Variants in PTPRD observed in about 807,000 individuals in gnomAD.
The protein encoded by PTPRD is protein tyrosine phosphatase receptor type D.
Under a neutral mutation model 214.5 loss-of-function variants are expected in PTPRD, and 34 were observed. The ratio of observed to expected loss-of-function variants is 0.16; its 90% CI spans 0.12 to 0.21. The LOEUF (loss-of-function observed/expected upper bound fraction) is 0.21. PTPRD is among the 10% of genes least tolerant of loss of function. PTPRD has a pLI of 1.00. For synonymous variants in PTPRD, 1,128 were observed against 845.7 expected, an observed-to-expected ratio of 1.33 and a Z score of -5.79; for missense variants, 2,545 against 2,398.7, an observed-to-expected ratio of 1.06 and a Z score of -1.27.
In PTPRD at chr9:9,268,403, G is replaced by GA. The variant is rs961787382; in HGVS notation, c.-202-85041dup. On this transcript the variant is annotated intron_variant, in intron 9 of 45. Transcript: ENST00000381196. The stretch of plus-strand genomic sequence containing the variant: ...AAAAAATAGCCTGTGGTGATGGATT[G>GA]AAAAAAAAATCATTATTGTCAAAAC... Among the ~76,000 whole-genome samples, 373 of 149,106 alleles carry GA rather than the reference G, an allele frequency of 2.5e-3. 1 individual carries two copies. Among genetic ancestry groups the GA allele is most frequent in the African/African-American group, 8.6e-3 (350 of 40,816 alleles).
intron 2 of PTPRD, among the ~76,000 whole-genome samples, chr9:10,368,331 T>C (rs982998855): frequency 2.0e-5 from 3 of 152,122 alleles, no homozygotes; most frequent in African/African-American, 7.2e-5. Flanking sequence ...TCTAAAGATA[T>C]CTAATGAAAG....
chr9:10,538,235 T>C lies in PTPRD; in HGVS notation c.-600+74163A>G, dbSNP rs979163601. On this transcript the variant is annotated intron_variant, in intron 2 of 45. Transcript: ENST00000381196. ...TGGATAGAGAGGTGAGAAAGCCTCA[T>C]CATAAAATAAATAAATAAATAAATA... Among the ~76,000 whole-genome samples the C allele has an allele frequency of 1.0e-4, 13 of 127,300 alleles. No homozygotes were observed. In the South Asian group the frequency reaches 2.0e-3, roughly 20 times the overall value. The allele number at this position is 127,300 out of a possible 152,430, so 83.5% of individuals were successfully genotyped here.
At chr9:8,451,814 C>G in intron 33 of PTPRD, 1 of 448,666 alleles carries the variant, frequency 2.2e-6, no homozygotes, top group Non-Finnish European at 4.5e-6. Context: ...TCTCCCTTCC[C>G]ATTGTGGCTC....
At chr9:9,196,638 C>T (rs992876430) in intron 9 of PTPRD, among the ~76,000 whole-genome samples, 1 of 152,112 alleles carries the variant, frequency 6.6e-6, no homozygotes, top group African/African-American at 2.4e-5. Flanking sequence ...TCAAATAGTA[C>T]TTAATTCAGA....
chr9:10,074,284 G>A (rs2098091036), intron 3 of PTPRD, among the ~76,000 whole-genome samples: 1 of 152,112 alleles, frequency 6.6e-6, no homozygotes, highest in Non-Finnish European at 1.5e-5. Flanking sequence ...GCCTGAGAAT[G>A]TTTAGATAAC....
intron 34 of PTPRD, among the ~76,000 whole-genome samples, chr9:8,442,962 A>G (rs1298991405): frequency 6.6e-6 from 1 of 152,190 alleles, no homozygotes; most frequent in Non-Finnish European, 1.5e-5. Context: ...GCAACAGAGG[A>G]AGACCCCGTT....
chr9:8,976,830 A>G (rs114422348), intron 11 of PTPRD, among the ~76,000 whole-genome samples: 508 of 152,228 alleles, frequency 3.3e-3, no homozygotes, highest in African/African-American at 0.011. Context: ...TGGTTAAAGC[A>G]GTACACTGTA....
At chr9:8,922,379 G>A (rs2098833763) in intron 11 of PTPRD, among the ~76,000 whole-genome samples, 1 of 152,150 alleles carries the variant, frequency 6.6e-6, no homozygotes, top group Admixed American at 6.5e-5. Flanking sequence ...ATCTACACAT[G>A]CACATATACA....
intron 14 of PTPRD, among the ~76,000 whole-genome samples, chr9:8,570,502 G>A (rs138004404): frequency 6.6e-6 from 1 of 152,290 alleles, no homozygotes; most frequent in East Asian, 1.9e-4. Context: ...ACATTAAAAT[G>A]TGGTGTGTAA....
At chr9:9,906,385 A>G (rs2077574348) in intron 5 of PTPRD, among the ~76,000 whole-genome samples, 1 of 151,880 alleles carries the variant, frequency 6.6e-6, no homozygotes, top group Non-Finnish European at 1.5e-5. Flanking sequence ...TCTTTATTTT[A>G]TATAGACTAC....
chr9:9,121,930 G>T (rs1439315331), intron 10 of PTPRD, among the ~76,000 whole-genome samples: 1 of 152,136 alleles, frequency 6.6e-6, no homozygotes, highest in Non-Finnish European at 1.5e-5. Flanking sequence ...TCTCTAAAGA[G>T]TTTTGTAGTC....
rs184658200 is a variant in PTPRD at position 9,752,047 on chromosome 9, T to C, written c.-326+14763A>G. ...ATTTTTAGGAATTTAAATAAGAAAA[T>C]ATTCCAGTGGTAAGTCAGGAGACAA... On this transcript the variant is annotated intron_variant, in intron 6 of 45. Coordinates refer to ENST00000381196, the MANE Select transcript of PTPRD (RefSeq NM_002839.4). Among the ~76,000 whole-genome samples the C allele has an allele frequency of 6.6e-4, 101 of 152,206 alleles. 1 individual carries two copies. The highest frequency in any genetic ancestry group is 2.3e-3 in the African/African-American group (96 of 41,562).
intron 3 of PTPRD, among the ~76,000 whole-genome samples, chr9:10,178,573 T>A (rs1012673447): frequency 1.3e-5 from 2 of 151,874 alleles, no homozygotes; most frequent in African/African-American, 4.8e-5. Flanking sequence ...TATAGCAAAA[T>A]GTACGTAGAA....
intron 9 of PTPRD, among the ~76,000 whole-genome samples, chr9:9,299,175 T>C (rs1450894040): frequency 6.6e-6 from 1 of 151,844 alleles, no homozygotes; most frequent in Non-Finnish European, 1.5e-5. Flanking sequence ...GATTGATCAC[T>C]ACATAGAGTA....
At chr9:8,856,126 G>A (rs957034575) in intron 11 of PTPRD, among the ~76,000 whole-genome samples, 1 of 152,134 alleles carries the variant, frequency 6.6e-6, no homozygotes, top group African/African-American at 2.4e-5. Flanking sequence ...GTAGCATAAA[G>A]CAGAATATAT....
chr9:9,037,017 C>T (rs1304391904), intron 10 of PTPRD, among the ~76,000 whole-genome samples: 1 of 152,138 alleles, frequency 6.6e-6, no homozygotes. Context: ...ACAGTGCAAT[C>T]TACAAGGTTG....
chr9:8,388,585 G>A (rs2088117021), intron 37 of PTPRD, among the ~76,000 whole-genome samples: 1 of 152,104 alleles, frequency 6.6e-6, no homozygotes, highest in African/African-American at 2.4e-5. Context: ...AATGTGCCAT[G>A]CACCATAATA....
chr9:8,684,587 AC>A (rs2097638793), intron 12 of PTPRD, among the ~76,000 whole-genome samples: 1 of 152,120 alleles, frequency 6.6e-6, no homozygotes, highest in Non-Finnish European at 1.5e-5. Context: ...TTTCCAACTA[AC>A]CTACACTGAA....
At chr9:8,681,660 C>G (rs539831304) in intron 12 of PTPRD, among the ~76,000 whole-genome samples, 3 of 152,166 alleles carry the variant, frequency 2.0e-5, no homozygotes, top group Admixed American at 1.3e-4. Context: ...CAGCCCTGAA[C>G]GATGTGCATG....
Sources: gnomAD v4.1 joint callset for allele counts (sites outside exome capture counted in the v4.1 genomes callset) on GRCh38, gnomAD v4.1.1 for gene constraint, MANE v1.5 for transcripts, NCBI Gene and HGNC (gene_info 2026-07-23, HGNC 2026-07-21) for gene names.